TMEM63A: variants seen among roughly 807,000 people sequenced by gnomAD.
TMEM63A encodes mechanosensitive cation channel TMEM63A.
Under a neutral mutation model 100.6 loss-of-function variants are expected in TMEM63A, and 76 were observed. The observed-to-expected ratio is 0.76, with a 90% CI of 0.63 to 0.91. TMEM63A has a LOEUF of 0.91. Ranked by LOEUF, TMEM63A falls within the 40% of genes least tolerant of loss-of-function variation. The pLI, the probability that TMEM63A is intolerant of heterozygous loss-of-function variation, is 0.00. For synonymous variants in TMEM63A, 401 were observed against 401.1 expected (o/e 1.00, Z 0.00); for missense variants, 876 against 1,008.8 (o/e 0.87, Z 1.78).
At position 225,862,914 on chromosome 1, in the gene TMEM63A, G is replaced by A; in HGVS notation, c.747-63C>T. 6.8e-7 allele frequency: 1 copy of A among 1,478,004 alleles called. No homozygotes were observed. Among genetic ancestry groups the A allele is most frequent in the Non-Finnish European group, 9.3e-7 (1 of 1,070,642 alleles). 91.6% of individuals were successfully genotyped at this position (1,478,004 alleles called of 1,614,324 possible). On this transcript the variant is annotated intron_variant, in intron 10 of 24. Coordinates refer to ENST00000366835, the MANE Select transcript of TMEM63A (RefSeq NM_014698.3). The surrounding 1 kb of genome is among the most constrained non-coding windows in gnomAD (Gnocchi z 5.1). ...GGAAAAGAAAACACCCCAAGCAGGA[G>A]ACGTGCCCACGGATCCAAGGGAAAG...
At chr1:225,852,527 C>T in intron 20 of TMEM63A, 137 bp downstream of exon 20, 1 of 752,858 alleles carries the variant, frequency 1.3e-6, no homozygotes. Flanking sequence ...TCACGTGAGT[C>T]TTTAGCAGCT....
intron 10 of TMEM63A, chr1:225,863,926 A>C (rs1576094495): frequency 6.7e-6 from 1 of 148,914 alleles, no homozygotes; most frequent in African/African-American, 2.5e-5. Flanking sequence ...AAAAAAAAAA[A>C]AAAAAAAAAA....
chr1:225,881,833 C>A (rs573337999), intron 1 of TMEM63A, among the ~76,000 whole-genome samples: 2 of 152,014 alleles, frequency 1.3e-5, no homozygotes, highest in Non-Finnish European at 2.9e-5. Context: ...CAGCCTCCCT[C>A]CTCAGGACTC....
intron 18 of TMEM63A, among the ~76,000 whole-genome samples, chr1:225,854,412 G>A: frequency 6.6e-6 from 1 of 152,130 alleles, no homozygotes; most frequent in East Asian, 1.9e-4. Flanking sequence ...CGGTTGTGAT[G>A]GAGGTGGTGA....
At position 225,852,632 on chromosome 1, in the gene TMEM63A, T is replaced by C. The variant is rs538632492; in HGVS notation, c.1903+32A>G. On this transcript the variant is annotated intron_variant, in intron 20 of 24. Transcript: ENST00000366835. ...GTGCAATCAGCCGTCCATGTACCCA[T>C]GTACCCTGGGACAGGCTCCAGGGCC... is the stretch of plus-strand genomic sequence containing the variant. 1.3e-4 allele frequency: 209 copies of C among 1,601,634 alleles called. 2 individuals carry two copies. In the East Asian group the frequency reaches 2.7e-3, roughly 21 times the overall value.
chr1:225,860,743 T>C (rs1427697186), intron 14 of TMEM63A, 117 bp downstream of exon 14: 66 of 1,303,578 alleles, frequency 5.1e-5, no homozygotes, highest in Non-Finnish European at 6.2e-5. Context: ...GCCCACAGAA[T>C]TGCAGATGTG....
At chr1:225,861,393 AC>A (rs1669926447) in intron 13 of TMEM63A, 1 of 155,274 alleles carries the variant, frequency 6.4e-6, no homozygotes, top group Non-Finnish European at 1.4e-5. Flanking sequence ...AGACCACGTT[AC>A]ACATTGCCTG....
At chr1:225,874,533 G>A (rs1041944144) in intron 3 of TMEM63A, among the ~76,000 whole-genome samples, 166 bp from the exon 4 acceptor site, 4 of 152,240 alleles carry the variant, frequency 2.6e-5, no homozygotes, top group African/African-American at 9.6e-5. Flanking sequence ...CAGCTCAGTA[G>A]CCCGGATGCT....
At chr1:225,844,955 G>A (rs551997125), downstream of TMEM63A, among the ~76,000 whole-genome samples, 5 of 152,254 alleles carry the variant, frequency 3.3e-5, no homozygotes, top group Admixed American at 1.3e-4. Flanking sequence ...CCCTGCCTGG[G>A]TGGCCCTCCC....
downstream of TMEM63A, among the ~76,000 whole-genome samples, chr1:225,841,763 T>A (rs1348461388): frequency 6.6e-6 from 1 of 151,810 alleles, no homozygotes; most frequent in Non-Finnish European, 1.5e-5. Flanking sequence ...CACCATGCCC[T>A]GCTAATTTTT....
chr1:225,855,192 A>C (rs1669558929), intron 18 of TMEM63A, among the ~76,000 whole-genome samples: 1 of 152,202 alleles, frequency 6.6e-6, no homozygotes, highest in African/African-American at 2.4e-5. Flanking sequence ...ATTAAGACCT[A>C]ATGTATAGTC....
At chr1:225,866,004 C>G in intron 9 of TMEM63A, 37 bp from the exon 10 acceptor site, 1 of 1,603,812 alleles carries the variant, frequency 6.2e-7, no homozygotes, top group Non-Finnish European at 8.5e-7. Flanking sequence ...AAGTCACCCA[C>G]AAGCCAGTGT....
Position 225,853,705 on chromosome 1 carries a change from C to A in TMEM63A, c.1721G>T (p.Arg574Leu), listed in dbSNP as rs369519987. ...AFIGNGMELL[R>L]LPGLILYTFR... ...GGTATAGAGGATGAGACCTGGCAGC[C>A]GCAGCAGCTCCATGCCATTGCCGAT... is the stretch of plus-strand genomic sequence containing the variant. Residue 574 changes from arginine (R) to leucine (L), a missense_variant, in exon 19 of 25, where the codon CGG (arginine) becomes CTG (leucine). By Grantham distance (102) the Arg-to-Leu change is moderately radical. This residue lies in a region of TMEM63A where 339 missense variants were observed against 342.3 expected (regional missense o/e 0.99). Coordinates refer to ENST00000366835, the MANE Select transcript of TMEM63A (RefSeq NM_014698.3). This position sits in a 1 kb window ranked among gnomAD's most constrained non-coding sequence, Gnocchi z 4.0. 6.3e-7 allele frequency: 1 copy of A among 1,594,394 alleles called. No homozygotes were observed. Among genetic ancestry groups the A allele is most frequent in the East Asian group, 2.3e-5 (1 of 44,156 alleles).
intron 15 of TMEM63A, among the ~76,000 whole-genome samples, 173 bp from the exon 16 acceptor site, chr1:225,857,190 C>T (rs578099248): frequency 2.2e-4 from 34 of 152,278 alleles, no homozygotes; most frequent in African/African-American, 8.2e-4. Context: ...TAAATGTTGG[C>T]TGAATAATCA....
Position 225,862,196 on chromosome 1 carries a change from G to A in TMEM63A, c.1085+22C>T, listed in dbSNP as rs1233813147. The A allele has an allele frequency of 1.9e-6, 3 of 1,612,954 alleles. No individual in the cohort carries two copies. Among genetic ancestry groups the A allele is most frequent in the South Asian group, 1.1e-5 (1 of 91,012 alleles). On this transcript the variant is annotated intron_variant, in intron 13 of 24. Transcript: ENST00000366835. The surrounding 1 kb of genome is among the most constrained non-coding windows in gnomAD (Gnocchi z 5.1). The stretch of plus-strand genomic sequence containing the variant: ...GGAACAGGGAGTCAGCCAAGAAGGG[G>A]TCTGGATGTGCCTACACTCACTAGG...
rs755038099 is a variant in TMEM63A, at chr1:225,847,160, A to G, written c.2304T>C (p.Ser768=). The G allele has an allele frequency of 1.2e-6, 2 of 1,613,046 alleles. No homozygotes were observed. The highest frequency in any genetic ancestry group is 1.7e-6 in the Non-Finnish European group (2 of 1,179,652). The change falls in exon 24 of 25, where the codon TCT becomes TCC. Residue 768 remains serine (S), a synonymous_variant. Coordinates refer to ENST00000366835, the MANE Select transcript of TMEM63A (RefSeq NM_014698.3). ...NGLASERTAL[S]PQQQQQQTYG... ...AGGTCTGCTGCTGCTGCTGCTGCGG[A>G]GACAGTGCTGTCCTCTCCGAGGCCA...
chr1:225,868,959 G>C (rs1670356294), intron 6 of TMEM63A, among the ~76,000 whole-genome samples: 1 of 152,222 alleles, frequency 6.6e-6, no homozygotes, highest in African/African-American at 2.4e-5. Flanking sequence ...GTGCTACAGA[G>C]GGAGAAGGGG....
chr1:225,858,288 A>G (rs1011611549), intron 15 of TMEM63A, among the ~76,000 whole-genome samples: 5 of 151,788 alleles, frequency 3.3e-5, no homozygotes, highest in African/African-American at 4.8e-5. Flanking sequence ...AGATTTTTGA[A>G]AATCGTTCAT....
downstream of TMEM63A, chr1:225,845,485 CCCTCCAAGCTCACT>C: frequency 1.2e-6 from 1 of 840,860 alleles, no homozygotes; most frequent in East Asian, 2.7e-5. Context: ...ACCCCCTCAC[CCCTCCAAGCTCACT>C]CCCCAACCCC....
Sources: gnomAD v4.1 joint callset for allele counts (sites outside exome capture counted in the v4.1 genomes callset) on GRCh38, gnomAD v4.1.1 for gene constraint, gnomAD v4.1.1 regional missense constraint, Gnocchi (gnomAD v3.1) non-coding constraint, MANE v1.5 for transcripts, NCBI Gene and HGNC (gene_info 2026-07-23, HGNC 2026-07-21) for gene names.